SCN2A: variants seen among roughly 807,000 people sequenced by gnomAD.
SCN2A encodes the protein sodium voltage-gated channel alpha subunit 2.
A neutral mutation model predicts 188.7 loss-of-function variants in SCN2A; 20 were observed. The ratio of observed to expected loss-of-function variants is 0.11; its 90% confidence interval spans 0.07 to 0.15. The LOEUF is 0.15. Among genes scored for constraint, SCN2A ranks in the 10% least tolerant of loss-of-function variants. SCN2A has a pLI of 1.00. For missense variants in SCN2A, 1,278 were observed against 2,445.0 expected (o/e 0.52, Z 10.07); for synonymous variants, 804 against 833.1 (o/e 0.97, Z 0.60).
chr2:165,337,020 A>C (rs548467900), intron 14 of SCN2A, among the ~76,000 whole-genome samples: 2 of 152,164 alleles, frequency 1.3e-5, no homozygotes, highest in African/African-American at 4.8e-5. Context: ...TAGAATAAAC[A>C]AAAAAGGACT....
chr2:165,357,250 T>A (rs1327787182), intron 17 of SCN2A, among the ~76,000 whole-genome samples: 1 of 152,222 alleles, frequency 6.6e-6, no homozygotes, highest in Non-Finnish European at 1.5e-5. Flanking sequence ...GACACTCGCA[T>A]TTGAAATAGC....
chr2:165,251,152 C>T (rs1467230794), intron 1 of SCN2A, among the ~76,000 whole-genome samples: 1 of 151,994 alleles, frequency 6.6e-6, no homozygotes, highest in Non-Finnish European at 1.5e-5. Flanking sequence ...CAGCAAGTAG[C>T]AAAGATGGAC....
chr2:165,245,858 TAG>T (rs1693821484), intron 1 of SCN2A, among the ~76,000 whole-genome samples: 1 of 152,150 alleles, frequency 6.6e-6, no homozygotes, highest in East Asian at 1.9e-4. Flanking sequence ...GCCTAAGTGT[TAG>T]AAAGTTAAAA....
chr2:165,368,049 C>T (rs1464152660), intron 19 of SCN2A, among the ~76,000 whole-genome samples: 3 of 152,074 alleles, frequency 2.0e-5, no homozygotes, highest in East Asian at 1.9e-4. Context: ...TCATGTCCGG[C>T]GTCCAGGAGG....
chr2:165,385,481 A>C (rs996455306), intron 25 of SCN2A, among the ~76,000 whole-genome samples: 7 of 152,198 alleles, frequency 4.6e-5, no homozygotes, highest in African/African-American at 1.7e-4. Flanking sequence ...TAGGGCAAAG[A>C]TTGAATATTT....
chr2:165,315,953 T>G (rs981458553), intron 11 of SCN2A, among the ~76,000 whole-genome samples, 195 bp downstream of exon 11: 4 of 152,162 alleles, frequency 2.6e-5, no homozygotes, highest in African/African-American at 9.7e-5. Context: ...GGAAGGAAAT[T>G]TTAGATCCCT....
intron 13 of SCN2A, among the ~76,000 whole-genome samples, chr2:165,328,784 G>A (rs774511481): frequency 2.0e-5 from 3 of 152,106 alleles, no homozygotes; most frequent in South Asian, 2.1e-4. Context: ...GAGTGTTTTC[G>A]TTTTATTATC....
chr2:165,302,616 TGTATACTGTAAGAAAA>T (rs1405818287), intron 3 of SCN2A, among the ~76,000 whole-genome samples: 4 of 152,312 alleles, frequency 2.6e-5, no homozygotes, highest in Admixed American at 2.6e-4. Flanking sequence ...GGATAATGAC[TGTATACTGTAAGAAAA>T]GTATTATCCA....
intron 25 of SCN2A, among the ~76,000 whole-genome samples, chr2:165,384,391 A>C (rs540809906): frequency 6.6e-6 from 1 of 152,236 alleles, no homozygotes; most frequent in Admixed American, 6.6e-5. Flanking sequence ...TCAGAATTAT[A>C]CATCTTGTTC....
At chr2:165,375,466 A>G (rs1286080628) in intron 22 of SCN2A, among the ~76,000 whole-genome samples, 1 of 151,922 alleles carries the variant, frequency 6.6e-6, no homozygotes, top group Non-Finnish European at 1.5e-5. Context: ...CTGTATATGT[A>G]TATATCTATA....
At chr2:165,382,692 G>T (rs1236867868) in intron 25 of SCN2A, among the ~76,000 whole-genome samples, 1 of 152,114 alleles carries the variant, frequency 6.6e-6, no homozygotes, top group African/African-American at 2.4e-5. Flanking sequence ...GATATTTTGT[G>T]AAACTGTTGG....
chr2:165,320,268 T>C lies in SCN2A; in HGVS notation c.1672-2888T>C, dbSNP rs12692763. The C allele has an allele frequency of 0.56, 84,727 of 152,160 alleles. 24,054 individuals are homozygous for C. The highest frequency in any genetic ancestry group is 0.64 in the Middle Eastern group (189 of 294). The allele number at this position is 152,160 out of a possible 1,614,324, so 9.4% of individuals were successfully genotyped here. On this transcript the variant is annotated intron_variant, in intron 11 of 26. Coordinates refer to ENST00000375437, the MANE Select transcript of SCN2A (RefSeq NM_001040142.2). The stretch of plus-strand genomic sequence containing the variant: ...ACGCTGATGCAAGAGGTGGGTTCCC[T>C]TGGTCTTCAGCAGCTCCACCCCTGT...
In SCN2A at chr2:165,294,011, A is replaced by T. The variant is rs1208312868; in HGVS notation, c.-51-1762A>T. 97 of 209,548 alleles carry T rather than the reference A, an allele frequency of 4.6e-4. No individual in the cohort carries two copies. The highest frequency in any genetic ancestry group is 1.2e-3 in the East Asian group (2 of 1,622). 13.0% of individuals were successfully genotyped at this position (209,548 alleles called of 1,614,324 possible). On this transcript the variant is annotated intron_variant, in intron 1 of 26. Transcript: ENST00000375437. ...TAGGTGTGGTCTTTGAAGGAGAATT[A>T]AAAAAAAAAAAAAAAAAAAAAAAAA... is the stretch of plus-strand genomic sequence containing the variant.
chr2:165,308,898 TTAGTAATCA>T, intron 5 of SCN2A, 104 bp downstream of exon 5: 1 of 1,401,960 alleles, frequency 7.1e-7, no homozygotes, highest in African/African-American at 1.4e-5. Flanking sequence ...AGCATTTTTC[TTAGTAATCA>T]TAGTTTTCTT....
At chr2:165,277,771 G>C (rs1203237252) in intron 1 of SCN2A, among the ~76,000 whole-genome samples, 1 of 152,118 alleles carries the variant, frequency 6.6e-6, no homozygotes, top group Non-Finnish European at 1.5e-5. Context: ...AGTAACCTTA[G>C]ATCTGCCCTC....
intron 1 of SCN2A, among the ~76,000 whole-genome samples, chr2:165,265,795 T>G (rs1363883349): frequency 6.6e-6 from 1 of 151,330 alleles, no homozygotes; most frequent in Admixed American, 6.6e-5. Context: ...TTTATTATAC[T>G]TTTTTTCCTT....
chr2:165,341,194 T>C lies in SCN2A; in HGVS notation c.2389-1102T>C, dbSNP rs374643494. 3.7e-3 allele frequency among the ~76,000 whole-genome samples: 556 copies of C among 152,224 alleles called. 4 individuals carry two copies. The highest frequency in any genetic ancestry group is 0.013 in the African/African-American group (532 of 41,548). ...CTGCAAGCTCCGACTCCCGGGTTCA[T>C]GCCATTCTCCTGCCTCAGCCTCCCG... On this transcript the variant is annotated intron_variant, in intron 14 of 26. Coordinates refer to ENST00000375437, the MANE Select transcript of SCN2A (RefSeq NM_001040142.2).
intron 3 of SCN2A, among the ~76,000 whole-genome samples, chr2:165,302,639 T>A (rs1359494848): frequency 2.0e-5 from 3 of 152,166 alleles, no homozygotes; most frequent in African/African-American, 7.2e-5. Context: ...AAAAGTATTA[T>A]CCACATTTAT....
intron 13 of SCN2A, among the ~76,000 whole-genome samples, chr2:165,329,194 T>C (rs1698539887): frequency 1.3e-5 from 2 of 152,108 alleles, no homozygotes; most frequent in Admixed American, 6.6e-5. Flanking sequence ...TCCAGGGTAA[T>C]GGATAGCCTC....
Sources: gnomAD v4.1 joint callset for allele counts (sites outside exome capture counted in the v4.1 genomes callset) on GRCh38, gnomAD v4.1.1 for gene constraint, MANE v1.5 for transcripts, NCBI Gene and HGNC (gene_info 2026-07-23, HGNC 2026-07-21) for gene names.